The following CKAP5 variants were observed in gnomAD, a reference collection of about 807,000 sequenced individuals.
CKAP5 encodes cytoskeleton associated protein 5.
CKAP5 carries 27 observed loss-of-function variants against 232.8 expected under a neutral mutation model. That is an observed-to-expected ratio of 0.12 (90% CI 0.09 to 0.16). The LOEUF (loss-of-function observed/expected upper bound fraction) is 0.16. Ranked by LOEUF, CKAP5 falls within the 10% of genes least tolerant of loss-of-function variation. The probability of loss-of-function intolerance (pLI) is 1.00; values close to 1 mark genes in which losing one functional copy is unlikely to be tolerated. For missense variants in CKAP5, 1,838 were observed against 2,424.7 expected, an observed-to-expected ratio of 0.76 and a Z score of 5.08; for synonymous variants, 785 against 841.1, an observed-to-expected ratio of 0.93 and a Z score of 1.16.
chr11:46,819,032 G>A (rs1939468449), intron 2 of CKAP5, among the ~76,000 whole-genome samples: 1 of 152,080 alleles, frequency 6.6e-6, no homozygotes, highest in Non-Finnish European at 1.5e-5. Flanking sequence ...TCTGGCCCTT[G>A]TGGAGCTTAC....
rs1212656971 is a variant in CKAP5, at chr11:46,776,359, C to T, written c.2887G>A (p.Ala963Thr). Residue 963 changes from alanine to threonine, a missense_variant, in exon 24 of 44, where the codon GCG (alanine) becomes ACG (threonine). Ala to Thr is a moderately conservative substitution (Grantham distance 58, BLOSUM62 0). Around this residue, in one of 6 missense-constraint regions of CKAP5, gnomAD observed 767 missense variants for 954.6 expected, o/e 0.80. Coordinates refer to ENST00000529230, the MANE Select transcript of CKAP5 (RefSeq NM_001008938.4). ...SKNNVRAAAL[A>T]TVNAWAEQTG... ...TGTTCTGCCCAAGCATTCACAGTCG[C>T]TAGGGCAGCAGCTCGAACATTGTTC... The T allele has an allele frequency of 3.7e-6, 6 of 1,612,836 alleles. No homozygotes were observed. Among genetic ancestry groups the T allele is most frequent in the African/African-American group, 2.7e-5 (2 of 74,874 alleles).
chr11:46,788,308 C>G (rs2065415946), intron 16 of CKAP5, among the ~76,000 whole-genome samples: 1 of 152,254 alleles, frequency 6.6e-6, no homozygotes, highest in African/African-American at 2.4e-5. Flanking sequence ...GGCGCGGTGG[C>G]TCACGCCCGT....
chr11:46,761,228 G>A (rs2065152483), intron 32 of CKAP5, among the ~76,000 whole-genome samples: 1 of 136,400 alleles, frequency 7.3e-6, no homozygotes, highest in Non-Finnish European at 1.5e-5. Flanking sequence ...CAACCTAGGT[G>A]ACAGAGCAAG....
At chr11:46,809,670 T>G (rs142637830) in intron 6 of CKAP5, 72 bp downstream of exon 6, 37 of 1,561,288 alleles carry the variant, frequency 2.4e-5, no homozygotes, top group Non-Finnish European at 2.8e-5. Context: ...ATATGCCTAA[T>G]GAACACAGAT....
intron 32 of CKAP5, among the ~76,000 whole-genome samples, chr11:46,761,454 A>G (rs78553352): frequency 6.6e-6 from 1 of 152,150 alleles, no homozygotes; most frequent in Non-Finnish European, 1.5e-5. Context: ...GTGAGAATTT[A>G]ATTAGAAAAT....
chr11:46,766,916 T>A (rs2134599562), intron 27 of CKAP5, among the ~76,000 whole-genome samples: 1 of 152,324 alleles, frequency 6.6e-6, no homozygotes, highest in South Asian at 2.1e-4. Flanking sequence ...CCGAAACATC[T>A]TCTAATATGA....
At chr11:46,780,113 G>A (rs1411686781) in intron 20 of CKAP5, 81 bp downstream of exon 20, 20 of 1,464,018 alleles carry the variant, frequency 1.4e-5, no homozygotes, top group South Asian at 3.5e-5. Context: ...GACTACAGGC[G>A]TGCACCACTA....
At chr11:46,765,315 T>C (rs2065193369) in intron 27 of CKAP5, 59 bp from the exon 28 acceptor site, 2 of 1,487,360 alleles carry the variant, frequency 1.3e-6, no homozygotes, top group East Asian at 5.0e-5. Context: ...AAGAATATGA[T>C]GCTGCTGCCC....
At chr11:46,804,293 C>T (rs1055717874) in intron 8 of CKAP5, among the ~76,000 whole-genome samples, 8 of 152,206 alleles carry the variant, frequency 5.3e-5, no homozygotes, top group African/African-American at 1.9e-4. Flanking sequence ...CACTCATTGA[C>T]ACTCATTGTT....
At chr11:46,749,774 AC>A (rs1179394058) in intron 42 of CKAP5, among the ~76,000 whole-genome samples, 1 of 151,632 alleles carries the variant, frequency 6.6e-6, no homozygotes, top group Non-Finnish European at 1.5e-5. Flanking sequence ...ACATGGAGAA[AC>A]CCCGTCTTTA....
chr11:46,750,251 G>A (rs916746497), intron 42 of CKAP5, 23 bp downstream of exon 42: 4 of 1,605,640 alleles, frequency 2.5e-6, no homozygotes, highest in African/African-American at 2.7e-5. Context: ...GCTTATTCCT[G>A]GAGCTATAAC....
intron 26 of CKAP5, among the ~76,000 whole-genome samples, chr11:46,769,506 C>A (rs977920035): frequency 3.3e-5 from 5 of 151,868 alleles, no homozygotes; most frequent in Non-Finnish European, 5.9e-5. Context: ...GACCAACCTG[C>A]GCATCACAAC....
intron 8 of CKAP5, among the ~76,000 whole-genome samples, chr11:46,801,719 T>C (rs760382959): frequency 2.4e-4 from 37 of 152,198 alleles, no homozygotes; most frequent in South Asian, 1.0e-3. Flanking sequence ...ATGACCAATT[T>C]TATTTACTAC....
intron 8 of CKAP5, among the ~76,000 whole-genome samples, chr11:46,806,961 T>C (rs914886317): frequency 3.3e-5 from 5 of 152,222 alleles, no homozygotes; most frequent in Non-Finnish European, 7.3e-5. Flanking sequence ...TTGTGTTTTT[T>C]GTTGGTGCTC....
chr11:46,775,951 A>G, intron 24 of CKAP5, among the ~76,000 whole-genome samples: 1 of 152,196 alleles, frequency 6.6e-6, no homozygotes, highest in East Asian at 1.9e-4. Flanking sequence ...CTGCACATGT[A>G]TCCCAGAGCT....
At chr11:46,843,967 T>C (rs557667099) in intron 1 of CKAP5, among the ~76,000 whole-genome samples, 4 of 152,050 alleles carry the variant, frequency 2.6e-5, no homozygotes, top group Admixed American at 6.5e-5. Flanking sequence ...ACACCTGTAA[T>C]CCCAACACTT....
chr11:46,818,266 C>G (rs1275439527), intron 3 of CKAP5, 44 bp downstream of exon 3: 1 of 1,445,630 alleles, frequency 6.9e-7, no homozygotes, highest in African/African-American at 1.4e-5. Context: ...TATGTAACAC[C>G]AAACAGGGGT....
Position 46,753,411 on chromosome 11 carries a change from A to T in CKAP5, c.4956T>A (p.Asp1652Glu). 1 of 1,613,990 alleles carries T rather than the reference A, an allele frequency of 6.2e-7. No homozygotes were observed. Among genetic ancestry groups the T allele is most frequent in the Non-Finnish European group, 8.5e-7 (1 of 1,179,958 alleles). Residue 1652 changes from aspartate to glutamate, a missense_variant, in exon 37 of 44, where the codon GAT (aspartate) becomes GAA (glutamate). Transcript: ENST00000529230. ...LMHGLITLML[D>E]SRIEDLEEGQ... The stretch of plus-strand genomic sequence containing the variant: ...CTTCCTCAAGATCTTCAATCCGAGA[A>T]TCCAGCATTAAGGTGATGAGGCCAT...
chr11:46,831,437 G>C (rs1281492142), intron 1 of CKAP5, among the ~76,000 whole-genome samples: 1 of 152,160 alleles, frequency 6.6e-6, no homozygotes, highest in Non-Finnish European at 1.5e-5. Context: ...AGAAGGAACT[G>C]AGTCTTATTC....
Sources: gnomAD v4.1 joint callset for allele counts (sites outside exome capture counted in the v4.1 genomes callset) on GRCh38, gnomAD v4.1.1 for gene constraint, gnomAD v4.1.1 regional missense constraint, MANE v1.5 for transcripts, NCBI Gene and HGNC (gene_info 2026-07-23, HGNC 2026-07-21) for gene names.